The following SH3D19 variants were observed in gnomAD, a reference collection of about 807,000 sequenced individuals.
SH3D19 encodes SH3 domain containing 19, also known as SH3 domain-containing protein 19.
Under a neutral mutation model 112.1 loss-of-function variants are expected in SH3D19, and 58 were observed. That is an observed-to-expected ratio of 0.52 (90% CI 0.42 to 0.64). The LOEUF is 0.64. Ranked by LOEUF, SH3D19 falls within the 30% of genes least tolerant of loss-of-function variation. The pLI is 0.00. For missense variants in SH3D19, 1,090 were observed against 1,263.4 expected (o/e 0.86, Z 2.08); for synonymous variants, 391 against 448.5 (o/e 0.87, Z 1.62).
chr4:151,238,851 T>G (rs1214275881), intron 1 of SH3D19, among the ~76,000 whole-genome samples: 1 of 152,194 alleles, frequency 6.6e-6, no homozygotes, highest in Non-Finnish European at 1.5e-5. Context: ...GTATTCTCTG[T>G]ACAACACAAC....
chr4:151,280,004 T>C, intron 1 of SH3D19: 1 of 1,270,804 alleles, frequency 7.9e-7, no homozygotes, highest in Non-Finnish European at 1.0e-6. Flanking sequence ...TCTCAGTGAA[T>C]ATTTGCATCA....
At position 151,274,832 on chromosome 4, in the gene SH3D19, A is replaced by C. The variant is rs145782521; in HGVS notation, c.113-48746T>G. On this transcript the variant is annotated intron_variant, in intron 1 of 19. Coordinates refer to ENST00000604030, the MANE Select transcript of SH3D19 (RefSeq NM_001378122.1). The stretch of plus-strand genomic sequence containing the variant: ...CAGTTCTGGAGGCTGGAAGTCCAAG[A>C]TCAAGGTATCAGCATGGCTGGTTCT... Among the ~76,000 whole-genome samples the C allele has an allele frequency of 4.9e-3, 751 of 152,318 alleles. 7 individuals carry two copies. Among genetic ancestry groups the C allele is most frequent in the African/African-American group, 0.016 (686 of 41,580 alleles).
intron 11 of SH3D19, among the ~76,000 whole-genome samples, chr4:151,145,322 G>C (rs893594563): frequency 1.1e-4 from 16 of 152,130 alleles, no homozygotes; most frequent in Non-Finnish European, 2.2e-4. Context: ...TATACATCTG[G>C]ATGGCCTGAA....
At chr4:151,259,097 A>G (rs1248481651) in intron 1 of SH3D19, among the ~76,000 whole-genome samples, 1 of 152,044 alleles carries the variant, frequency 6.6e-6, no homozygotes, top group African/African-American at 2.4e-5. Flanking sequence ...GCAGTATGCT[A>G]TAATCATCCC....
At chr4:151,263,409 A>G (rs1725859534) in intron 1 of SH3D19, among the ~76,000 whole-genome samples, 1 of 152,226 alleles carries the variant, frequency 6.6e-6, no homozygotes, top group South Asian at 2.1e-4. Flanking sequence ...TTGGAAGATT[A>G]GAAGATTTCA....
chr4:151,310,697 G>C (rs567049378), intron 1 of SH3D19, among the ~76,000 whole-genome samples: 1 of 151,340 alleles, frequency 6.6e-6, no homozygotes, highest in African/African-American at 2.4e-5. Context: ...TTGGCCTGCT[G>C]AGTAGCTGGG....
intron 1 of SH3D19, among the ~76,000 whole-genome samples, chr4:151,238,783 A>C (rs910662102): frequency 1.9e-4 from 29 of 152,082 alleles, no homozygotes; most frequent in African/African-American, 7.0e-4. Context: ...TTTTTCTTCC[A>C]ATCAAGAAGA....
At chr4:151,275,839 AT>A (rs1189876302) in intron 1 of SH3D19, among the ~76,000 whole-genome samples, 4 of 52,290 alleles carry the variant, frequency 7.6e-5, no homozygotes, top group Non-Finnish European at 6.2e-5. Flanking sequence ...TATTATTATT[AT>A]TATTATTATT....
intron 1 of SH3D19, among the ~76,000 whole-genome samples, chr4:151,263,935 T>C (rs1772571354): frequency 6.6e-6 from 1 of 152,140 alleles, no homozygotes; most frequent in African/African-American, 2.4e-5. Flanking sequence ...GCCTCCTGAG[T>C]AGCTGAGACC....
intron 1 of SH3D19, chr4:151,228,105 C>T (rs980674639): frequency 1.1e-6 from 1 of 888,602 alleles, no homozygotes; most frequent in Non-Finnish European, 1.3e-6. Context: ...TAAGAAAATA[C>T]AAATGTCTTC....
At chr4:151,241,773 C>A (rs533925486) in intron 1 of SH3D19, among the ~76,000 whole-genome samples, 2 of 151,730 alleles carry the variant, frequency 1.3e-5, no homozygotes, top group Admixed American at 1.3e-4. Context: ...AAAGAATAAC[C>A]CTGATTAAAT....
chr4:151,238,464 G>C (rs892549933), intron 1 of SH3D19, among the ~76,000 whole-genome samples: 6 of 152,104 alleles, frequency 3.9e-5, no homozygotes, highest in African/African-American at 1.4e-4. Context: ...AGGGCAAAAG[G>C]CCCACTTTTT....
At chr4:151,317,300 T>C (rs745580460) in intron 1 of SH3D19, among the ~76,000 whole-genome samples, 17 of 152,174 alleles carry the variant, frequency 1.1e-4, no homozygotes, top group Non-Finnish European at 2.4e-4. Flanking sequence ...AAATGTAAAG[T>C]TGGAAGCCTC....
At chr4:151,239,239 C>T (rs913915640) in intron 1 of SH3D19, among the ~76,000 whole-genome samples, 2 of 152,178 alleles carry the variant, frequency 1.3e-5, no homozygotes, top group Non-Finnish European at 2.9e-5. Context: ...ATTGCTTCCA[C>T]TACGATAAGG....
At chr4:151,210,646 C>T (rs1258891399) in intron 2 of SH3D19, among the ~76,000 whole-genome samples, 2 of 152,134 alleles carry the variant, frequency 1.3e-5, no homozygotes, top group Admixed American at 6.5e-5. Context: ...TGTGATCCGC[C>T]TGCCTCGGCT....
intron 1 of SH3D19, among the ~76,000 whole-genome samples, chr4:151,271,669 T>C (rs1366567973): frequency 1.3e-5 from 2 of 152,140 alleles, no homozygotes; most frequent in Non-Finnish European, 2.9e-5. Context: ...ACCATCAACA[T>C]CAATCCAAGC....
At chr4:151,218,346 A>G (rs1767464135) in intron 2 of SH3D19, among the ~76,000 whole-genome samples, 4 of 152,168 alleles carry the variant, frequency 2.6e-5, no homozygotes, top group Admixed American at 2.6e-4. Context: ...AAACATCTTT[A>G]TCATTGCCAT....
chr4:151,127,146 C>T (rs1226509164), intron 19 of SH3D19, among the ~76,000 whole-genome samples: 3 of 152,006 alleles, frequency 2.0e-5, no homozygotes, highest in Non-Finnish European at 4.4e-5. Context: ...CTCCTGACCT[C>T]GTGATCCCCC....
chr4:151,292,620 C>CA (rs1444029118), intron 1 of SH3D19, among the ~76,000 whole-genome samples: 3 of 152,196 alleles, frequency 2.0e-5, no homozygotes, highest in South Asian at 2.1e-4. Flanking sequence ...GCCAGAAACT[C>CA]AGAGCTAACT....
Sources: gnomAD v4.1 joint callset for allele counts (sites outside exome capture counted in the v4.1 genomes callset) on GRCh38, gnomAD v4.1.1 for gene constraint, MANE v1.5 for transcripts, NCBI Gene and HGNC (gene_info 2026-07-23, HGNC 2026-07-21) for gene names.